Variants in MSH6 observed in about 807,000 individuals in gnomAD.
MSH6 encodes the protein mutS homolog 6.
Under a neutral mutation model 119.1 loss-of-function variants are expected in MSH6, and 85 were observed. The ratio of observed to expected loss-of-function variants is 0.71; its 90% CI spans 0.60 to 0.85. The LOEUF (loss-of-function observed/expected upper bound fraction) is 0.85, where lower values mean the gene tolerates loss of function less well. Among genes scored for constraint, MSH6 ranks in the 40% least tolerant of loss-of-function variants. The pLI is 0.00. For missense variants in MSH6, 2,163 were observed against 1,655.3 expected, an observed-to-expected ratio of 1.31 and a Z score of -5.32; for synonymous variants, 830 against 586.9, an observed-to-expected ratio of 1.41 and a Z score of -5.99.
rs1310418564 is a variant in MSH6 at position 47,800,591 on chromosome 2, A to G, written c.2608A>G (p.Lys870Glu). 1.2e-6 allele frequency: 2 copies of G among 1,614,046 alleles called. No homozygotes were observed. Among genetic ancestry groups the G allele is most frequent in the South Asian group, 1.1e-5 (1 of 91,086 alleles). ...TCTGGAAGGATTCAAAGTAATGTGT[A>G]AAATTATAGGGATCATGGAAGAAGT... The part of the protein sequence containing the change: ...SALEGFKVMC[K>E]IIGIMEEVAD... The change falls in exon 4 of 10, where the codon AAA becomes GAA. Residue 870 changes from lysine (K) to glutamate (E), a missense_variant. Physicochemically the swap from Lys to Glu is moderately conservative, Grantham distance 56. Transcript: ENST00000234420.
chr2:47,791,182 A>AACAG, intron 2 of MSH6, 59 bp downstream of exon 2: 1 of 1,475,704 alleles, frequency 6.8e-7, no homozygotes, highest in Non-Finnish European at 9.4e-7. Context: ...GTGTGAGAGA[A>AACAG]ACAGACAGAC....
In MSH6 at chr2:47,795,422, A is replaced by ATGTGTGTGTGTGTGTG. The variant is rs10699372; in HGVS notation, c.458-460_458-445dup. On this transcript the variant is annotated intron_variant, in intron 2 of 9. Transcript: ENST00000234420. ...AAGTGTCCAGCCAACAAGTTATTTT[A>ATGTGTGTGTGTGTGTG]TGTGTGTGTGTGTGTGTGTGTGTGT... Among the ~76,000 whole-genome samples the ATGTGTGTGTGTGTGTG allele has an allele frequency of 3.6e-3, 505 of 141,714 alleles. 4 individuals carry two copies. Among genetic ancestry groups the ATGTGTGTGTGTGTGTG allele is most frequent in the Non-Finnish European group, 5.5e-3 (362 of 66,022 alleles). 93.0% of individuals were successfully genotyped at this position (141,714 alleles called of 152,430 possible).
intron 6 of MSH6, 108 bp downstream of exon 6, chr2:47,805,135 G>T (rs976691759): frequency 7.4e-6 from 6 of 807,914 alleles, no homozygotes; most frequent in Non-Finnish European, 1.3e-5. Context: ...GATTTTTCTG[G>T]TGTTACTTTA....
At position 47,806,282 on chromosome 2, in the gene MSH6, G is replaced by C. The variant is rs63750119; in HGVS notation, c.3725G>C (p.Arg1242Pro). ...GAACTTGCTGAGACTATAAAATGTC[G>C]TACATTATTTTCAACTCACTACCAT... ...VKELAETIKC[R>P]TLFSTHYHSL... is the part of the protein sequence containing the mutation. Residue 1242 changes from arginine to proline, a missense_variant, in exon 8 of 10, where the codon CGT becomes CCT. Physicochemically the swap from Arg to Pro is moderately radical, Grantham distance 103. Coordinates refer to ENST00000234420, the MANE Select transcript of MSH6 (RefSeq NM_000179.3). 6.2e-7 allele frequency: 1 copy of C among 1,613,890 alleles called. No homozygotes were observed. Among genetic ancestry groups the C allele is most frequent in the South Asian group, 1.1e-5 (1 of 91,082 alleles).
rs772027379 is a variant in MSH6, at chr2:47,806,664, CTATAATGGAAT to C, written c.4001+19_4001+29del. On this transcript the variant is annotated intron_variant, in intron 9 of 9. Transcript: ENST00000234420. ...TACGATTATTTCGGTAACTAACTAA[CTATAATGGAAT>C]TATAACTAACTGACCTTAAGTTTCA... is the stretch of plus-strand genomic sequence containing the variant. The C allele has an allele frequency of 3.7e-6, 6 of 1,600,604 alleles. No individual in the cohort carries two copies. In the South Asian group the frequency reaches 5.5e-5, roughly 15 times the overall value.
chr2:47,801,210 G>C (rs1476951891), intron 4 of MSH6, 55 bp downstream of exon 4: 3 of 1,569,900 alleles, frequency 1.9e-6, no homozygotes, highest in Non-Finnish European at 2.6e-6. Flanking sequence ...CTGTTTGCCA[G>C]CTGTATATTA....
chr2:47,808,256 A>G (rs767671883), downstream of MSH6: 13 of 1,612,878 alleles, frequency 8.1e-6, no homozygotes, highest in Admixed American at 2.2e-4. Flanking sequence ...ACCTAAAGCA[A>G]AATGAAACCC....
At chr2:47,805,077 A>T in intron 6 of MSH6, 50 bp downstream of exon 6, 1 of 1,243,882 alleles carries the variant, frequency 8.0e-7, no homozygotes, top group Non-Finnish European at 1.2e-6. Flanking sequence ...TTTAGATGTG[A>T]TAAAAGATAT....
downstream of MSH6, chr2:47,809,359 ATTT>A: frequency 3.7e-6 from 3 of 818,280 alleles, no homozygotes; most frequent in Non-Finnish European, 5.7e-6. Flanking sequence ...AAGAGCCACT[ATTT>A]TTAAGAGCTT....
At chr2:47,807,684 A>C, downstream of MSH6, 1 of 230,074 alleles carries the variant, frequency 4.3e-6, no homozygotes. Flanking sequence ...AAAAAATCAA[A>C]AGGAACGCAG....
chr2:47,803,730 A>G (rs1572736347), intron 5 of MSH6, 45 bp downstream of exon 5: 1 of 1,609,974 alleles, frequency 6.2e-7, no homozygotes, highest in Non-Finnish European at 8.5e-7. Context: ...CATTTGTGAC[A>G]TTAGGAATAA....
At chr2:47,786,875 A>G (rs1668382306) in intron 1 of MSH6, among the ~76,000 whole-genome samples, 2 of 152,058 alleles carry the variant, frequency 1.3e-5, no homozygotes, top group Non-Finnish European at 2.9e-5. Flanking sequence ...CTCTCAAGCG[A>G]TCCTCCCACT....
At position 47,806,885 on chromosome 2, in the gene MSH6, T is replaced by C. The variant is rs2104588200; in HGVS notation, c.*25T>C. On this transcript the variant is annotated 3_prime_UTR_variant, in exon 10 of 10. Transcript: ENST00000234420. ...GACTGACTACATTGGAAGCTTTGAG[T>C]TGACTTCTGACAAAGGTGGTAAATT... 1.3e-6 allele frequency: 2 copies of C among 1,540,650 alleles called. No homozygotes were observed. The highest frequency in any genetic ancestry group is 1.4e-5 in the African/African-American group (1 of 73,572).
Position 47,798,940 on chromosome 2 carries a change from G to A in MSH6, c.957G>A (p.Thr319=), listed in dbSNP as rs375210430. 19 of 1,614,148 alleles carry A rather than the reference G, an allele frequency of 1.2e-5. No homozygotes were observed. The highest frequency in any genetic ancestry group is 6.7e-5 in the East Asian group (3 of 44,884). ...SLKRKSSRKE[T]PSATKQATSI... ...AAAGGAAAAGCTCTAGGAAGGAAACGCCCTCAGCCACCAAACAAGCAACTA... is the reference window on the plus strand; with the variant it reads ...AAAGGAAAAGCTCTAGGAAGGAAACACCCTCAGCCACCAAACAAGCAACTA... Residue 319 remains threonine, a synonymous_variant, in exon 4 of 10, where the codon ACG becomes ACA. Transcript: ENST00000234420.
chr2:47,783,816 G>C (rs1340486538), intron 1 of MSH6: 1 of 682,888 alleles, frequency 1.5e-6, no homozygotes, highest in African/African-American at 1.9e-5. Flanking sequence ...GACGCGCGCA[G>C]CTCCGGGTGG....
downstream of MSH6, chr2:47,808,229 A>G (rs903240623): frequency 5.0e-6 from 8 of 1,613,286 alleles, no homozygotes; most frequent in Admixed American, 1.2e-4. Flanking sequence ...GTGTTCCAGC[A>G]CCACAGTCAC....
At position 47,799,810 on chromosome 2, in the gene MSH6, A is replaced by T. The variant is rs767064953; in HGVS notation, c.1827A>T (p.Leu609=). 10 of 1,614,110 alleles carry T rather than the reference A, an allele frequency of 6.2e-6. No homozygotes were observed. Among genetic ancestry groups the T allele is most frequent in the Non-Finnish European group, 7.6e-6 (9 of 1,180,050 alleles). Residue 609 remains leucine, a synonymous_variant, in exon 4 of 10, where the codon CTA becomes CTT. Transcript: ENST00000234420. ...GNLSKETKTI[L]KSSLSCSLQE... ...TCTCAAAGGAAACTAAAACAATTCT[A>T]AAGAGTTCATTGTCCTGTTCTCTTC...
At chr2:47,806,117 G>A (rs1670019108) in intron 7 of MSH6, 87 bp from the exon 8 acceptor site, 1 of 1,299,332 alleles carries the variant, frequency 7.7e-7, no homozygotes, top group Non-Finnish European at 1.1e-6. Context: ...AACCGATGTT[G>A]CTTTTCTGTC....
intron 1 of MSH6, among the ~76,000 whole-genome samples, chr2:47,790,092 T>C (rs1328866233): frequency 2.0e-5 from 3 of 152,226 alleles, no homozygotes; most frequent in Non-Finnish European, 4.4e-5. Flanking sequence ...GTATTTACTT[T>C]GGAATACAAC....
Sources: allele counts gnomAD v4.1 joint callset (sites outside exome capture counted in the v4.1 genomes callset), GRCh38; gene constraint gnomAD v4.1.1; transcripts MANE v1.5; gene names NCBI Gene and HGNC (gene_info 2026-07-23, HGNC 2026-07-21).